The following ATP13A5 variants were observed in gnomAD, a reference collection of about 807,000 sequenced individuals.
The protein encoded by ATP13A5 is ATPase 13A5.
Under a neutral mutation model 150.2 loss-of-function variants are expected in ATP13A5, and 149 were observed. That is an observed-to-expected ratio of 0.99 (90% CI 0.87 to 1.14). The LOEUF (loss-of-function observed/expected upper bound fraction) is 1.14, where lower values mean the gene tolerates loss of function less well. Ranked by LOEUF, ATP13A5 falls within the 50% of genes most tolerant of loss-of-function variation. The probability of loss-of-function intolerance (pLI) is 0.00; values close to 1 mark genes in which losing one functional copy is unlikely to be tolerated. For synonymous variants in ATP13A5, 497 were observed against 522.2 expected (o/e 0.95, Z 0.66); for missense variants, 1,383 against 1,449.3 (o/e 0.95, Z 0.74).
intron 25 of ATP13A5, among the ~76,000 whole-genome samples, chr3:193,295,874 G>A (rs1718150451): frequency 6.6e-6 from 1 of 152,154 alleles, no homozygotes. Context: ...TAGGAGCAAT[G>A]TAAACTGGTT....
At chr3:193,347,080 C>G (rs1712368682) in intron 7 of ATP13A5, among the ~76,000 whole-genome samples, 2 of 152,124 alleles carry the variant, frequency 1.3e-5, no homozygotes, top group South Asian at 4.1e-4. Flanking sequence ...GGATCACTTT[C>G]AAGTTATACC....
intron 1 of ATP13A5, 77 bp downstream of exon 1, chr3:193,378,586 T>C: frequency 1.6e-6 from 2 of 1,273,778 alleles, no homozygotes; most frequent in South Asian, 1.2e-5. Context: ...CTACACTCTA[T>C]TTTCTAATTC....
At chr3:193,373,854 C>T (rs1041346714) in intron 1 of ATP13A5, among the ~76,000 whole-genome samples, 6 of 152,166 alleles carry the variant, frequency 3.9e-5, no homozygotes, top group South Asian at 2.1e-4. Context: ...AAAATTACTT[C>T]GAAGCAAAAT....
At chr3:193,313,667 TA>T in intron 19 of ATP13A5, 1 of 175,834 alleles carries the variant, frequency 5.7e-6, no homozygotes, top group Admixed American at 5.8e-5. Flanking sequence ...TTCTCATCTG[TA>T]AAAATTAATG....
intron 24 of ATP13A5, among the ~76,000 whole-genome samples, chr3:193,300,864 G>A (rs1577334559): frequency 2.6e-5 from 4 of 151,994 alleles, no homozygotes; most frequent in South Asian, 2.1e-4. Flanking sequence ...TTAGTCTTCC[G>A]TTGAAAATAT....
chr3:193,314,507 TC>T, intron 18 of ATP13A5: 1 of 324,694 alleles, frequency 3.1e-6, no homozygotes, highest in South Asian at 4.8e-5. Context: ...TAGCATGATC[TC>T]AGCCTGATAG....
intron 5 of ATP13A5, among the ~76,000 whole-genome samples, chr3:193,358,187 G>A (rs968669916): frequency 4.6e-5 from 7 of 152,118 alleles, no homozygotes; most frequent in African/African-American, 1.7e-4. Flanking sequence ...GACGTCTATA[G>A]TTTTCCATAC....
At chr3:193,368,392 TTGTGTGTGTG>T (rs1286543236) in intron 1 of ATP13A5, among the ~76,000 whole-genome samples, 5 of 147,354 alleles carry the variant, frequency 3.4e-5, no homozygotes, top group Non-Finnish European at 6.0e-5. Context: ...CTCTTCAGAC[TTGTGTGTGTG>T]TGTGTGTGTG....
At chr3:193,369,452 G>T (rs1265063086) in intron 1 of ATP13A5, among the ~76,000 whole-genome samples, 1 of 152,090 alleles carries the variant, frequency 6.6e-6, no homozygotes, top group Non-Finnish European at 1.5e-5. Context: ...GCCAAATTAT[G>T]TCACACAGTA....
Position 193,330,466 on chromosome 3 carries a change from TAA to T in ATP13A5, c.1461+655_1461+656del, listed in dbSNP as rs1711589114. Among the ~76,000 whole-genome samples the T allele has an allele frequency of 1.3e-5, 2 of 152,262 alleles. 1 individual carries two copies. The highest frequency in any genetic ancestry group is 4.8e-5 in the African/African-American group (2 of 41,474). ...GCCAGGCCCACTGCTTTACAGCAGT[TAA>T]ACTGGCCTGTCCAAGCTGAGGGCAG... On this transcript the variant is annotated intron_variant, in intron 12 of 29. Transcript: ENST00000342358.
intron 19 of ATP13A5, 51 bp downstream of exon 19, chr3:193,313,982 C>T (rs766599829): frequency 1.9e-6 from 3 of 1,594,902 alleles, no homozygotes; most frequent in African/African-American, 2.7e-5. Context: ...AGTGCCAGGA[C>T]TGTATTCCAT....
chr3:193,311,830 T>C lies in ATP13A5; in HGVS notation c.2431A>G (p.Ser811Gly). The C allele has an allele frequency of 6.2e-7, 1 of 1,613,890 alleles. No individual in the cohort carries two copies. The highest frequency in any genetic ancestry group is 8.5e-7 in the Non-Finnish European group (1 of 1,179,860). ...SYQVIFQHFN[S>G]LLPKILVNGT... Reference sequence around the variant, plus strand: ...TCAGTACTTACTTTTGGAAGCAAGCTGTTGAAATGCTGAAATATCACTTGG... The same window carrying C: ...TCAGTACTTACTTTTGGAAGCAAGCCGTTGAAATGCTGAAATATCACTTGG... The change falls in exon 20 of 30, where the codon AGC becomes GGC. Residue 811 changes from serine to glycine, a missense_variant. By Grantham distance (56) the Ser-to-Gly change is moderately conservative. Coordinates refer to ENST00000342358, the MANE Select transcript of ATP13A5 (RefSeq NM_198505.4).
intron 9 of ATP13A5, among the ~76,000 whole-genome samples, chr3:193,338,048 T>C (rs968002909): frequency 1.1e-4 from 17 of 152,208 alleles, no homozygotes; most frequent in African/African-American, 4.1e-4. Flanking sequence ...GTTATGGGTG[T>C]AGAAGAATGC....
chr3:193,333,961 C>A, intron 10 of ATP13A5, 54 bp from the exon 11 acceptor site: 3 of 1,539,300 alleles, frequency 1.9e-6, no homozygotes, highest in Non-Finnish European at 2.7e-6. Context: ...CACTTGGTCT[C>A]CTAAAAATGG....
intron 16 of ATP13A5, among the ~76,000 whole-genome samples, chr3:193,320,100 G>T (rs1199811981): frequency 6.6e-6 from 1 of 152,212 alleles, no homozygotes; most frequent in East Asian, 1.9e-4. Flanking sequence ...AAGGGTATTA[G>T]AGGGAACCAC....
At chr3:193,321,625 T>C (rs1290632667) in intron 16 of ATP13A5, 56 bp downstream of exon 16, 2 of 1,582,562 alleles carry the variant, frequency 1.3e-6, no homozygotes, top group Non-Finnish European at 1.7e-6. Context: ...AGCAAGATTC[T>C]GTCTCAAAGA....
chr3:193,362,746 TTTCC>T (rs1202191028), intron 3 of ATP13A5, 109 bp from the exon 4 acceptor site: 19 of 895,280 alleles, frequency 2.1e-5, no homozygotes, highest in African/African-American at 6.8e-5. Context: ...TCTCACTTGC[TTTCC>T]TTCTTTCTTT....
At chr3:193,294,472 C>G (rs1482456610) in intron 25 of ATP13A5, among the ~76,000 whole-genome samples, 2 of 152,074 alleles carry the variant, frequency 1.3e-5, no homozygotes, top group East Asian at 3.9e-4. Flanking sequence ...ATCAACATCC[C>G]TCCTCACTTC....
intron 19 of ATP13A5, among the ~76,000 whole-genome samples, chr3:193,312,364 C>T (rs1718887856): frequency 6.6e-6 from 1 of 152,174 alleles, no homozygotes; most frequent in Non-Finnish European, 1.5e-5. Context: ...GTAAAGCAGG[C>T]ACTCTTTCTT....
Sources: allele counts gnomAD v4.1 joint callset (sites outside exome capture counted in the v4.1 genomes callset), GRCh38; gene constraint gnomAD v4.1.1; transcripts MANE v1.5; gene names NCBI Gene and HGNC (gene_info 2026-07-23, HGNC 2026-07-21).